Variants in UMODL1 observed in about 807,000 individuals in gnomAD.
UMODL1 encodes the protein uromodulin like 1.
A neutral mutation model predicts 136.3 loss-of-function variants in UMODL1; 128 were observed. That is an observed-to-expected ratio of 0.94 (90% CI 0.81 to 1.09). The LOEUF is 1.09. UMODL1 is among the 50% of genes least tolerant of loss of function. The pLI, the probability that UMODL1 is intolerant of heterozygous loss-of-function variation, is 0.00. For missense variants in UMODL1, 1,766 were observed against 1,725.6 expected (o/e 1.02, Z -0.41); for synonymous variants, 721 against 720.0 (o/e 1.00, Z -0.02).
chr21:42,073,278 C>T (rs1003142398), intron 1 of UMODL1, among the ~76,000 whole-genome samples: 9 of 152,204 alleles, frequency 5.9e-5, no homozygotes, highest in Admixed American at 2.6e-4. Flanking sequence ...TAGGTGAGCG[C>T]GTTCCTTCCG....
chr21:42,113,905 G>C, intron 13 of UMODL1, 75 bp downstream of exon 13: 1 of 1,541,498 alleles, frequency 6.5e-7, no homozygotes, highest in Non-Finnish European at 8.8e-7. Flanking sequence ...TAAGGCTTAA[G>C]AGAGCTGGAT....
At chr21:42,063,700 A>G (rs1054966971) in intron 1 of UMODL1, among the ~76,000 whole-genome samples, 3 of 152,192 alleles carry the variant, frequency 2.0e-5, no homozygotes, top group Admixed American at 2.0e-4. Flanking sequence ...GCTATCGTGA[A>G]CATTGCTCCC....
intron 1 of UMODL1, among the ~76,000 whole-genome samples, chr21:42,073,201 A>T (rs1316530243): frequency 6.6e-6 from 1 of 152,066 alleles, no homozygotes; most frequent in Admixed American, 6.5e-5. Flanking sequence ...CGCAAGCTAG[A>T]TCCACTCTGC....
rs76086261 is a variant in UMODL1 at position 42,142,348 on chromosome 21, A to G, written c.*274A>G. On this transcript the variant is annotated 3_prime_UTR_variant, in exon 23 of 23. Transcript: ENST00000408910. The stretch of plus-strand genomic sequence containing the variant: ...AGGAGCCACAGCCCAGGGGCAGATG[A>G]AGGGGCTGCGGAAGACGGGGGCAGT... The G allele has an allele frequency of 0.076, 11,514 of 152,360 alleles. 546 individuals are homozygous for G. Among genetic ancestry groups the G allele is most frequent in the East Asian group, 0.18 (914 of 5,164 alleles). The allele number at this position is 152,360 out of a possible 1,614,324, so 9.4% of individuals were successfully genotyped here.
At chr21:42,073,634 C>T (rs990068806) in intron 1 of UMODL1, among the ~76,000 whole-genome samples, 1 of 152,194 alleles carries the variant, frequency 6.6e-6, no homozygotes, top group Non-Finnish European at 1.5e-5. Context: ...TGTTTGAGGG[C>T]TGGCTCTGCC....
In UMODL1 at chr21:42,119,174, G is replaced by A. The variant is rs770685342; in HGVS notation, c.2539G>A (p.Val847Ile). Residue 847 changes from valine (V) to isoleucine (I), a missense_variant, in exon 15 of 23, where the codon GTC becomes ATC. Coordinates refer to ENST00000408910, the MANE Select transcript of UMODL1 (RefSeq NM_001004416.3). ...GGACGCTGGTGGGGTCAGGATGGAA[G>A]TCGTCAGCGTCACCAACGGCAGCAT... ...HMDAGGVRME[V>I]VSVTNGSIVV... 3.0e-5 allele frequency: 49 copies of A among 1,614,070 alleles called. No homozygotes were observed. Among genetic ancestry groups the A allele is most frequent in the African/African-American group, 5.3e-5 (4 of 74,956 alleles).
intron 12 of UMODL1, 130 bp from the exon 13 acceptor site, chr21:42,113,443 C>A (rs1210291350): frequency 1.7e-6 from 2 of 1,157,280 alleles, no homozygotes; most frequent in Non-Finnish European, 2.4e-6. Flanking sequence ...CACCCATCAC[C>A]TCGGCGGCCA....
intron 14 of UMODL1, 142 bp from the exon 15 acceptor site, chr21:42,118,969 G>T (rs978013878): frequency 4.2e-6 from 3 of 717,672 alleles, no homozygotes; most frequent in Non-Finnish European, 6.8e-6. Flanking sequence ...ACAGGAAAGG[G>T]GCCCAGAACC....
At chr21:42,090,663 T>C (rs2066481303) in intron 6 of UMODL1, among the ~76,000 whole-genome samples, 1 of 152,248 alleles carries the variant, frequency 6.6e-6, no homozygotes, top group Admixed American at 6.5e-5. Context: ...GTATTTCCAT[T>C]TACAAAATAT....
At chr21:42,110,293 C>T (rs1408688839) in intron 10 of UMODL1, among the ~76,000 whole-genome samples, 1 of 152,222 alleles carries the variant, frequency 6.6e-6, no homozygotes, top group Admixed American at 6.5e-5. Flanking sequence ...CAATGTCGGC[C>T]CGGACACAGG....
chr21:42,089,931 GT>G (rs1470277736), intron 5 of UMODL1, among the ~76,000 whole-genome samples: 5 of 152,202 alleles, frequency 3.3e-5, no homozygotes, highest in Admixed American at 3.3e-4. Context: ...GGGTTTCCTT[GT>G]TGGCGCAGAA....
chr21:42,093,392 A>AT (rs577959127), intron 6 of UMODL1: 101 of 152,662 alleles, frequency 6.6e-4, no homozygotes, highest in Middle Eastern at 3.4e-3. Context: ...TCATTTTTAA[A>AT]TTTTTTTGTA....
At chr21:42,084,843 T>A (rs1254257834) in intron 3 of UMODL1, among the ~76,000 whole-genome samples, 1 of 150,850 alleles carries the variant, frequency 6.6e-6, no homozygotes, top group Non-Finnish European at 1.5e-5. Context: ...GATAATACTA[T>A]ATCATTATAC....
chr21:42,129,917 G>T (rs1371967714), intron 21 of UMODL1, 120 bp downstream of exon 21: 14 of 722,658 alleles, frequency 1.9e-5, no homozygotes, highest in Non-Finnish European at 2.6e-5. Context: ...CTTCTAAGAG[G>T]CTTATCATAA....
Position 42,100,313 on chromosome 21 carries a change from C to T in UMODL1, c.1186+1133C>T, listed in dbSNP as rs545257732. On this transcript the variant is annotated intron_variant, in intron 7 of 22. Coordinates refer to ENST00000408910, the MANE Select transcript of UMODL1 (RefSeq NM_001004416.3). ...ATGAAGACCATACTGGGGCCTTTCT[C>T]ACTCACAGGGGTTAATGCTAGTGAC... Among the ~76,000 whole-genome samples the T allele has an allele frequency of 2.6e-5, 4 of 152,314 alleles. No homozygotes were observed. The South Asian group carries it at 8.3e-4, about 32-fold the overall frequency.
intron 17 of UMODL1, among the ~76,000 whole-genome samples, chr21:42,124,361 C>A (rs1253886946): frequency 6.6e-6 from 1 of 152,108 alleles, no homozygotes; most frequent in African/African-American, 2.4e-5. Context: ...CCCGTGCCGG[C>A]TCTGGGTTGG....
At chr21:42,090,671 T>C (rs1202746111) in intron 6 of UMODL1, among the ~76,000 whole-genome samples, 2 of 152,236 alleles carry the variant, frequency 1.3e-5, no homozygotes, top group African/African-American at 4.8e-5. Context: ...ATTTACAAAA[T>C]ATAGTGATTC....
intron 7 of UMODL1, among the ~76,000 whole-genome samples, chr21:42,100,286 G>A (rs1179979836): frequency 1.3e-5 from 2 of 152,184 alleles, no homozygotes; most frequent in Non-Finnish European, 2.9e-5. Flanking sequence ...ACAAGTTGCT[G>A]CATGAAGACC....
At chr21:42,124,348 G>A (rs2067022918) in intron 17 of UMODL1, among the ~76,000 whole-genome samples, 2 of 152,182 alleles carry the variant, frequency 1.3e-5, no homozygotes, top group South Asian at 4.1e-4. Context: ...GCTTCAGAGG[G>A]AGCCCGTGCC....
Sources: allele counts gnomAD v4.1 joint callset (sites outside exome capture counted in the v4.1 genomes callset), GRCh38; gene constraint gnomAD v4.1.1; transcripts MANE v1.5; gene names NCBI Gene and HGNC (gene_info 2026-07-23, HGNC 2026-07-21).